Variants in SCN11A observed in about 807,000 individuals in gnomAD.
The protein encoded by SCN11A is sodium channel protein type 11 subunit alpha.
SCN11A carries 122 observed loss-of-function variants against 162.2 expected under a neutral mutation model. The ratio of observed to expected loss-of-function variants is 0.75; its 90% CI spans 0.65 to 0.87. The LOEUF is 0.87. Ranked by LOEUF, SCN11A falls within the 40% of genes least tolerant of loss-of-function variation. The probability of loss-of-function intolerance (pLI) is 0.00; values close to 1 mark genes in which losing one functional copy is unlikely to be tolerated. For missense variants in SCN11A, 2,015 were observed against 2,181.6 expected (o/e 0.92, Z 1.52); for synonymous variants, 758 against 751.5 (o/e 1.01, Z -0.14).
chr3:38,995,131 A>C (rs1248836204), intron 2 of SCN11A, among the ~76,000 whole-genome samples: 1 of 150,936 alleles, frequency 6.6e-6, no homozygotes, highest in Non-Finnish European at 1.5e-5. Flanking sequence ...TTAATTTAAG[A>C]ACTTTTTTTT....
intron 7 of SCN11A, among the ~76,000 whole-genome samples, chr3:38,930,206 G>A (rs1001205134): frequency 6.6e-6 from 1 of 152,134 alleles, no homozygotes; most frequent in Non-Finnish European, 1.5e-5. Flanking sequence ...AAACTATCCA[G>A]TCATAATAGC....
At chr3:38,985,352 G>C (rs1011656074) in intron 2 of SCN11A, among the ~76,000 whole-genome samples, 5 of 150,130 alleles carry the variant, frequency 3.3e-5, no homozygotes, top group Admixed American at 1.3e-4. Context: ...GGATGGTCTC[G>C]ATCTCCTGAC....
intron 2 of SCN11A, among the ~76,000 whole-genome samples, chr3:38,964,525 G>A (rs1465768516): frequency 6.6e-6 from 1 of 152,220 alleles, no homozygotes; most frequent in Non-Finnish European, 1.5e-5. Flanking sequence ...AAGATACAGA[G>A]GCTTTCACAG....
intron 23 of SCN11A, among the ~76,000 whole-genome samples, chr3:38,875,998 G>A (rs972767749): frequency 2.0e-5 from 3 of 152,050 alleles, no homozygotes; most frequent in Non-Finnish European, 2.9e-5. Flanking sequence ...GCATGGTACT[G>A]GTATAAAAAT....
At chr3:38,921,631 T>C (rs2066054085) in intron 9 of SCN11A, among the ~76,000 whole-genome samples, 1 of 152,174 alleles carries the variant, frequency 6.6e-6, no homozygotes, top group Non-Finnish European at 1.5e-5. Flanking sequence ...GATAGACCTG[T>C]ATTTAACATT....
intron 16 of SCN11A, among the ~76,000 whole-genome samples, chr3:38,903,071 A>G (rs1379474765): frequency 1.3e-5 from 2 of 152,134 alleles, no homozygotes; most frequent in African/African-American, 4.8e-5. Flanking sequence ...ATAAAACAGC[A>G]TTTATTATTT....
chr3:38,872,288 C>A lies in SCN11A; in HGVS notation c.3400G>T (p.Val1134Leu), dbSNP rs2065141221. The A allele has an allele frequency of 6.3e-7, 1 of 1,581,680 alleles. No homozygotes were observed. Among genetic ancestry groups the A allele is most frequent in the African/African-American group, 1.3e-5 (1 of 74,238 alleles). ...CLDFIIVIVS[V>L]TTLINLMELK... The stretch of plus-strand genomic sequence containing the variant: ...TCCATTAAGTTAATGAGGGTGGTCA[C>A]AGAGACCTGATGGGAAGAGAGGCCA... Residue 1134 changes from valine to leucine, a missense_variant, in exon 24 of 30, where the codon GTG becomes TTG. Physicochemically the swap from Val to Leu is conservative, Grantham distance 32. Coordinates refer to ENST00000302328, the MANE Select transcript of SCN11A (RefSeq NM_001349253.2).
intron 5 of SCN11A, among the ~76,000 whole-genome samples, chr3:38,947,844 A>C (rs980218239): frequency 1.3e-5 from 2 of 152,222 alleles, no homozygotes; most frequent in East Asian, 3.8e-4. Context: ...AAGCCTTCAG[A>C]AAGTAAGAGT....
chr3:38,964,660 C>T (rs1458328295), intron 2 of SCN11A, among the ~76,000 whole-genome samples: 2 of 152,162 alleles, frequency 1.3e-5, no homozygotes, highest in African/African-American at 4.8e-5. Context: ...CCATGAAAAG[C>T]AGGTGCAAGG....
At chr3:38,868,156 C>T (rs996926529) in intron 26 of SCN11A, among the ~76,000 whole-genome samples, 3 of 152,174 alleles carry the variant, frequency 2.0e-5, no homozygotes, top group Admixed American at 1.3e-4. Flanking sequence ...CACTTTCAGG[C>T]AGGTGGCAAA....
intron 2 of SCN11A, among the ~76,000 whole-genome samples, chr3:38,984,573 T>G (rs1269183125): frequency 5.3e-5 from 8 of 151,956 alleles, no homozygotes; most frequent in African/African-American, 1.9e-4. Context: ...TGCAATGTCA[T>G]GATCTTGGCT....
At chr3:38,937,941 T>A (rs1478195432) in intron 7 of SCN11A, among the ~76,000 whole-genome samples, 1 of 152,130 alleles carries the variant, frequency 6.6e-6, no homozygotes, top group Admixed American at 6.5e-5. Flanking sequence ...GTATGTTTAT[T>A]GCGGCACTAT....
At chr3:39,016,838 G>A (rs2031300846) in intron 2 of SCN11A, among the ~76,000 whole-genome samples, 1 of 152,144 alleles carries the variant, frequency 6.6e-6, no homozygotes, top group Non-Finnish European at 1.5e-5. Flanking sequence ...CCTGACCTCA[G>A]GCGATCCACC....
intron 17 of SCN11A, 54 bp downstream of exon 17, chr3:38,899,840 G>T (rs1336511941): frequency 2.0e-6 from 3 of 1,490,502 alleles, no homozygotes; most frequent in African/African-American, 2.8e-5. Context: ...CACTCAAAAC[G>T]TTTTTTCCAC....
rs1184976165 is a variant in SCN11A at position 38,846,071 on chromosome 3, T to C, written c.*623A>G. ...ACAACTTAAAATTTTAATGTGTTTT[T>C]TGTTTCTTATTCTTTTTTGTTTAGA... On this transcript the variant is annotated 3_prime_UTR_variant, in exon 30 of 30. Coordinates refer to ENST00000302328, the MANE Select transcript of SCN11A (RefSeq NM_001349253.2). 6.6e-6 allele frequency: 1 copy of C among 152,242 alleles called. No homozygotes were observed. The highest frequency in any genetic ancestry group is 1.9e-4 in the East Asian group (1 of 5,202). The allele number at this position is 152,242 out of a possible 1,614,324, so 9.4% of individuals were successfully genotyped here.
intron 13 of SCN11A, among the ~76,000 whole-genome samples, 188 bp downstream of exon 13, chr3:38,908,809 C>A (rs1293064842): frequency 6.6e-6 from 1 of 152,086 alleles, no homozygotes; most frequent in African/African-American, 2.4e-5. Flanking sequence ...GGGCCTGGTG[C>A]CTGGACAATT....
chr3:38,925,266 G>T (rs1346319371), intron 9 of SCN11A, 149 bp downstream of exon 9: 3 of 622,636 alleles, frequency 4.8e-6, no homozygotes, highest in East Asian at 2.8e-5. Context: ...CATATTAGGT[G>T]CTCAATAATT....
chr3:38,970,999 G>A (rs1227491508), intron 2 of SCN11A, among the ~76,000 whole-genome samples: 1 of 152,116 alleles, frequency 6.6e-6, no homozygotes, highest in Non-Finnish European at 1.5e-5. Context: ...CCAGTGGAGG[G>A]TCCAGGGTCT....
In SCN11A at chr3:39,020,492, T is replaced by C. The variant is rs553276649; in HGVS notation, c.-280+11888A>G. Among the ~76,000 whole-genome samples, 6 of 152,298 alleles carry C rather than the reference T, an allele frequency of 3.9e-5. No individual in the cohort carries two copies. In the South Asian group the frequency reaches 8.3e-4, roughly 21 times the overall value. ...AGGGCAGTCCAGCAGTGTTTGAGAT[T>C]TGAAACTCTCAGAGATAATTCTCAA... On this transcript the variant is annotated intron_variant, in intron 2 of 29. Transcript: ENST00000302328.
Sources: allele counts gnomAD v4.1 joint callset (sites outside exome capture counted in the v4.1 genomes callset), GRCh38; gene constraint gnomAD v4.1.1; transcripts MANE v1.5; gene names NCBI Gene and HGNC (gene_info 2026-07-23, HGNC 2026-07-21).